The following SLC6A13 variants were observed in gnomAD, a reference collection of about 807,000 sequenced individuals.
SLC6A13 encodes solute carrier family 6 member 13, also known as sodium- and chloride-dependent GABA transporter 2.
In SLC6A13, 69 loss-of-function variants were observed where a neutral mutation model predicts 72.9. The ratio of observed to expected loss-of-function variants is 0.95; its 90% CI spans 0.78 to 1.16. The LOEUF is 1.16. SLC6A13 is among the 50% of genes most tolerant of loss of function. The pLI is 0.00. For synonymous variants in SLC6A13, 303 were observed against 303.0 expected, an observed-to-expected ratio of 1.00 and a Z score of 0.00; for missense variants, 735 against 760.5, an observed-to-expected ratio of 0.97 and a Z score of 0.39.
rs1942866841 is a variant in SLC6A13, at chr12:259,772, C to T, written c.202+79G>A. On this transcript the variant is annotated intron_variant, in intron 2 of 14. Transcript: ENST00000343164. ...AATTCTATACATCTATGGGACTCCC[C>T]AGAGGGGCCGTAAGTGCAGGAGATG... is the stretch of plus-strand genomic sequence containing the variant. 5.0e-6 allele frequency: 8 copies of T among 1,613,920 alleles called. No individual in the cohort carries two copies. In the East Asian group the frequency reaches 1.8e-4, roughly 36 times the overall value.
chr12:223,880 G>A (rs1009712408), intron 11 of SLC6A13, 112 bp downstream of exon 11: 8 of 1,232,136 alleles, frequency 6.5e-6, no homozygotes, highest in African/African-American at 4.5e-5. Context: ...CTAGTGTCCA[G>A]AAGCCCAGAA....
intron 4 of SLC6A13, among the ~76,000 whole-genome samples, chr12:241,289 C>T (rs1483800915): frequency 1.3e-5 from 2 of 151,814 alleles, no homozygotes; most frequent in Non-Finnish European, 2.9e-5. Flanking sequence ...GGCGACCGAG[C>T]GAGACTCCAT....
intron 2 of SLC6A13, among the ~76,000 whole-genome samples, chr12:249,525 G>A (rs896387090): frequency 1.3e-5 from 2 of 151,984 alleles, no homozygotes; most frequent in Admixed American, 1.3e-4. Context: ...AACAATTTAG[G>A]TAAAATAAAA....
At chr12:234,973 C>A in intron 7 of SLC6A13, 117 bp downstream of exon 7, 1 of 1,151,086 alleles carries the variant, frequency 8.7e-7, no homozygotes. Context: ...CCTCTGCTGC[C>A]ACTGTGGACA....
intron 2 of SLC6A13, chr12:256,525 A>G (rs1942752151): frequency 6.6e-6 from 1 of 152,112 alleles, no homozygotes; most frequent in Non-Finnish European, 1.5e-5. Flanking sequence ...TCTTTGAATC[A>G]CTTTCTCAGC....
chr12:222,766 C>T (rs528848367), intron 12 of SLC6A13, 134 bp from the exon 13 acceptor site: 96 of 603,878 alleles, frequency 1.6e-4, no homozygotes, highest in Middle Eastern at 7.8e-4. Flanking sequence ...CTGTTCAAGT[C>T]GTTGCTGGGA....
chr12:253,324 T>G (rs1435085383), intron 2 of SLC6A13: 1 of 152,284 alleles, frequency 6.6e-6, no homozygotes, highest in East Asian at 1.9e-4. Context: ...TGAGGAGTTA[T>G]GTGCTGTCCT....
intron 6 of SLC6A13, among the ~76,000 whole-genome samples, chr12:235,512 A>G (rs1360808593): frequency 6.6e-6 from 1 of 152,192 alleles, no homozygotes; most frequent in Admixed American, 6.5e-5. Context: ...CTTTACTTTA[A>G]TCTCTTAATC....
At chr12:230,131 C>CG (rs1384684913) in intron 7 of SLC6A13, among the ~76,000 whole-genome samples, 1 of 151,930 alleles carries the variant, frequency 6.6e-6, no homozygotes, top group Non-Finnish European at 1.5e-5. Flanking sequence ...CCACCACAGG[C>CG]GACCACTCCC....
At chr12:237,860 G>A in intron 5 of SLC6A13, 66 bp downstream of exon 5, 2 of 1,206,980 alleles carry the variant, frequency 1.7e-6, no homozygotes, top group Admixed American at 3.4e-5. Context: ...ACCTTGGTGT[G>A]TACTCCTCCC....
chr12:244,463 A>G (rs1014776293), intron 2 of SLC6A13, among the ~76,000 whole-genome samples: 3 of 152,138 alleles, frequency 2.0e-5, no homozygotes, highest in Non-Finnish European at 4.4e-5. Flanking sequence ...CTGAGGTGGG[A>G]GGATCGCTTG....
chr12:256,105 C>A (rs1942734711), intron 2 of SLC6A13, among the ~76,000 whole-genome samples: 1 of 152,138 alleles, frequency 6.6e-6, no homozygotes, highest in African/African-American at 2.4e-5. Context: ...TGTTCTTTTT[C>A]TATAGCACTC....
intron 2 of SLC6A13, chr12:257,308 T>C (rs1439294852): frequency 6.6e-6 from 1 of 152,226 alleles, no homozygotes; most frequent in East Asian, 1.9e-4. Flanking sequence ...CAGCCAGTGG[T>C]CCTGGGTGAC....
At chr12:234,117 G>A (rs373951389) in intron 7 of SLC6A13, among the ~76,000 whole-genome samples, 78 of 152,208 alleles carry the variant, frequency 5.1e-4, no homozygotes, top group African/African-American at 1.6e-3. Context: ...TAGGTTGCAC[G>A]CTCACTCCCC....
In SLC6A13 at chr12:259,852, TCCC is replaced by T; in HGVS notation, c.198_200del (p.Gly68del). 1 of 1,613,966 alleles carries T rather than the reference TCCC, an allele frequency of 6.2e-7. No individual in the cohort carries two copies. The highest frequency in any genetic ancestry group is 8.5e-7 in the Non-Finnish European group (1 of 1,179,976). ...GTGGCACAAGGGCTCTCATCTCACC[TCCC>T]CCATTTTTGTAGCAGAGATAGGGAA... On this transcript the variant is annotated inframe_deletion and splice_region_variant, in exon 2 of 15. Coordinates refer to ENST00000343164, the MANE Select transcript of SLC6A13 (RefSeq NM_016615.5).
chr12:237,853 T>A, intron 5 of SLC6A13, 73 bp downstream of exon 5: 1 of 1,109,456 alleles, frequency 9.0e-7, no homozygotes, highest in Non-Finnish European at 1.4e-6. Context: ...GAGAGTGACC[T>A]TGGTGTGTAC....
At chr12:228,502 A>G (rs1286281328) in intron 7 of SLC6A13, among the ~76,000 whole-genome samples, 1 of 152,112 alleles carries the variant, frequency 6.6e-6, no homozygotes, top group Non-Finnish European at 1.5e-5. Flanking sequence ...CCTAATGGAA[A>G]GGGCGCCGGA....
At chr12:236,861 T>C (rs1941950909) in intron 6 of SLC6A13, 1 of 261,088 alleles carries the variant, frequency 3.8e-6, no homozygotes, top group Admixed American at 4.9e-5. Context: ...AACTGTTGTA[T>C]GAATTAGGGA....
At chr12:257,635 C>G (rs760110256) in intron 2 of SLC6A13, among the ~76,000 whole-genome samples, 1 of 152,130 alleles carries the variant, frequency 6.6e-6, no homozygotes, top group Non-Finnish European at 1.5e-5. Flanking sequence ...CGTGAATGAC[C>G]AAGGGCTGTG....
Sources: gnomAD v4.1 joint callset for allele counts (sites outside exome capture counted in the v4.1 genomes callset) on GRCh38, gnomAD v4.1.1 for gene constraint, MANE v1.5 for transcripts, NCBI Gene and HGNC (gene_info 2026-07-23, HGNC 2026-07-21) for gene names.